GRID2: variants seen among roughly 807,000 people sequenced by gnomAD.
GRID2 encodes the protein glutamate receptor ionotropic, delta-2.
Under a neutral mutation model 114.8 loss-of-function variants are expected in GRID2, and 33 were observed. That is an observed-to-expected ratio of 0.29 (90% CI 0.22 to 0.38). GRID2 has a LOEUF of 0.38. Among genes scored for constraint, GRID2 ranks in the 10% least tolerant of loss-of-function variants. The probability of loss-of-function intolerance (pLI) is 1.00; values close to 1 mark genes in which losing one functional copy is unlikely to be tolerated. For missense variants in GRID2, 1,184 were observed against 1,257.7 expected, an observed-to-expected ratio of 0.94 and a Z score of 0.89; for synonymous variants, 505 against 449.9, an observed-to-expected ratio of 1.12 and a Z score of -1.55.
At chr4:93,744,170 C>T (rs1391552587) in intron 14 of GRID2, among the ~76,000 whole-genome samples, 2 of 152,186 alleles carry the variant, frequency 1.3e-5, no homozygotes, top group Non-Finnish European at 2.9e-5. Context: ...CACCCACGAA[C>T]TCTAATAGTA....
chr4:93,430,266 C>T (rs939021232), intron 10 of GRID2, among the ~76,000 whole-genome samples: 2 of 152,070 alleles, frequency 1.3e-5, no homozygotes, highest in East Asian at 1.9e-4. Context: ...CTGCAACCTC[C>T]GCCTCCTGGG....
chr4:92,657,174 T>C (rs1343325548), intron 2 of GRID2, among the ~76,000 whole-genome samples: 1 of 150,838 alleles, frequency 6.6e-6, no homozygotes, highest in Non-Finnish European at 1.5e-5. Context: ...GAAAAGTTGG[T>C]GGTGAAAGAA....
intron 11 of GRID2, among the ~76,000 whole-genome samples, chr4:93,461,825 C>T (rs1198818425): frequency 6.6e-6 from 1 of 152,140 alleles, no homozygotes; most frequent in Non-Finnish European, 1.5e-5. Context: ...TCCATGTCTA[C>T]ATACATCTCC....
intron 10 of GRID2, among the ~76,000 whole-genome samples, chr4:93,438,908 C>T (rs564701186): frequency 1.4e-4 from 21 of 151,726 alleles, no homozygotes; most frequent in African/African-American, 5.1e-4. Context: ...GTTCAATTCC[C>T]ACCTATGAGT....
At chr4:93,011,073 A>AT (rs2149231194) in intron 2 of GRID2, among the ~76,000 whole-genome samples, 1 of 149,798 alleles carries the variant, frequency 6.7e-6, no homozygotes, top group East Asian at 1.9e-4. Flanking sequence ...TAGAAATATA[A>AT]TTTTTTAATA....
chr4:93,690,269 T>TA (rs969017827), intron 14 of GRID2, among the ~76,000 whole-genome samples: 4 of 151,952 alleles, frequency 2.6e-5, no homozygotes, highest in Non-Finnish European at 5.9e-5. Flanking sequence ...TGCTAGGCTA[T>TA]AAAAAACGCA....
chr4:93,675,410 G>T (rs73839794), intron 14 of GRID2, among the ~76,000 whole-genome samples: 7,600 of 152,106 alleles, frequency 0.05, 265 homozygotes, highest in African/African-American at 0.097. Context: ...TTTTCTATAA[G>T]TGTTTAATAA....
intron 14 of GRID2, among the ~76,000 whole-genome samples, chr4:93,677,177 T>C (rs897055605): frequency 6.6e-6 from 1 of 152,124 alleles, no homozygotes; most frequent in African/African-American, 2.4e-5. Context: ...CGCTGATTGC[T>C]AACACAGCAG....
At chr4:93,376,304 T>C (rs1307026213) in intron 8 of GRID2, among the ~76,000 whole-genome samples, 2 of 152,138 alleles carry the variant, frequency 1.3e-5, no homozygotes, top group Admixed American at 6.5e-5. Flanking sequence ...GTTTAAAGTA[T>C]ACAACACAAA....
At chr4:93,421,288 T>G (rs1378279881) in intron 9 of GRID2, among the ~76,000 whole-genome samples, 1 of 152,160 alleles carries the variant, frequency 6.6e-6, no homozygotes, top group Non-Finnish European at 1.5e-5. Flanking sequence ...TTGCCTGAAG[T>G]AGGACTACAG....
At chr4:93,257,970 ATGTGTG>A (rs929411475) in intron 8 of GRID2, among the ~76,000 whole-genome samples, 1 of 86,578 alleles carries the variant, frequency 1.2e-5, no homozygotes, top group Admixed American at 1.7e-4. Context: ...TACACACAAT[ATGTGTG>A]TGTATATATA....
intron 2 of GRID2, among the ~76,000 whole-genome samples, chr4:92,789,659 A>G (rs181654438): frequency 6.6e-6 from 1 of 151,912 alleles, no homozygotes; most frequent in Non-Finnish European, 1.5e-5. Flanking sequence ...ATTTCTTGCT[A>G]TATATCTTTG....
chr4:93,069,261 G>A (rs1394449346), intron 2 of GRID2, among the ~76,000 whole-genome samples: 1 of 151,236 alleles, frequency 6.6e-6, no homozygotes, highest in Non-Finnish European at 1.5e-5. Flanking sequence ...TTATATATGT[G>A]TGTGTGTATA....
chr4:92,630,662 T>C (rs983991615), intron 2 of GRID2, among the ~76,000 whole-genome samples: 3 of 152,146 alleles, frequency 2.0e-5, no homozygotes, highest in African/African-American at 7.2e-5. Flanking sequence ...TTGTGTCTTC[T>C]TTTTATTCTT....
At chr4:92,674,586 G>A (rs1043401398) in intron 2 of GRID2, among the ~76,000 whole-genome samples, 4 of 151,984 alleles carry the variant, frequency 2.6e-5, no homozygotes, top group Admixed American at 1.3e-4. Context: ...ACAGTGGCAC[G>A]ATCTCAGCTC....
At chr4:92,949,726 C>G (rs1370705634) in intron 2 of GRID2, among the ~76,000 whole-genome samples, 2 of 151,758 alleles carry the variant, frequency 1.3e-5, no homozygotes, top group Non-Finnish European at 2.9e-5. Flanking sequence ...AAGGTGTAAA[C>G]TGTTTAGAAA....
At chr4:92,858,719 G>A (rs1005449358) in intron 2 of GRID2, among the ~76,000 whole-genome samples, 2 of 151,934 alleles carry the variant, frequency 1.3e-5, no homozygotes, top group East Asian at 1.9e-4. Context: ...CACCACACCT[G>A]GCTAATTTTT....
chr4:92,882,593 G>T (rs1746107479), intron 2 of GRID2, among the ~76,000 whole-genome samples: 1 of 151,902 alleles, frequency 6.6e-6, no homozygotes, highest in Non-Finnish European at 1.5e-5. Context: ...TTTATTTACT[G>T]TGAAATATTT....
intron 13 of GRID2, among the ~76,000 whole-genome samples, chr4:93,549,707 G>A (rs539074835): frequency 1.3e-5 from 2 of 152,188 alleles, no homozygotes; most frequent in Non-Finnish European, 2.9e-5. Flanking sequence ...GATTGTTGAA[G>A]TTCTTGTTCA....
Sources: gnomAD v4.1 joint callset for allele counts (sites outside exome capture counted in the v4.1 genomes callset) on GRCh38, gnomAD v4.1.1 for gene constraint, MANE v1.5 for transcripts, NCBI Gene and HGNC (gene_info 2026-07-23, HGNC 2026-07-21) for gene names.